SLCO3A1: variants seen among roughly 807,000 people sequenced by gnomAD.
SLCO3A1 encodes PGE1 transporter.
Under a neutral mutation model 63.1 loss-of-function variants are expected in SLCO3A1, and 27 were observed. That is an observed-to-expected ratio of 0.43 (90% CI 0.32 to 0.59). The LOEUF (loss-of-function observed/expected upper bound fraction) is 0.59, where lower values mean the gene tolerates loss of function less well. SLCO3A1 is among the 20% of genes least tolerant of loss of function. The pLI is 0.09. For synonymous variants in SLCO3A1, 473 were observed against 409.9 expected, an observed-to-expected ratio of 1.15 and a Z score of -1.86; for missense variants, 773 against 945.8, an observed-to-expected ratio of 0.82 and a Z score of 2.40.
At chr15:92,021,114 A>G (rs544584182) in intron 2 of SLCO3A1, among the ~76,000 whole-genome samples, 5 of 152,286 alleles carry the variant, frequency 3.3e-5, no homozygotes, top group Non-Finnish European at 5.9e-5. Context: ...GGCAGCCACT[A>G]TCCCTATCAT....
intron 5 of SLCO3A1, among the ~76,000 whole-genome samples, chr15:92,122,537 C>A (rs1041977074): frequency 6.6e-6 from 1 of 152,238 alleles, no homozygotes; most frequent in Non-Finnish European, 1.5e-5. Context: ...CTGGAACTCG[C>A]ATACTTGGCC....
intron 7 of SLCO3A1, among the ~76,000 whole-genome samples, chr15:92,143,305 G>T: frequency 8.5e-6 from 1 of 116,976 alleles, no homozygotes; most frequent in Non-Finnish European, 1.7e-5. Context: ...GTTTGAGACA[G>T]ATTTAGGACA....
intron 4 of SLCO3A1, among the ~76,000 whole-genome samples, chr15:92,119,318 A>G (rs900072680): frequency 4.6e-5 from 7 of 152,246 alleles, no homozygotes; most frequent in Non-Finnish European, 1.0e-4. Context: ...CACATGCTTT[A>G]AGAAAAATAG....
chr15:92,035,888 T>G (rs2046719384), intron 2 of SLCO3A1, among the ~76,000 whole-genome samples: 1 of 151,786 alleles, frequency 6.6e-6, no homozygotes, highest in East Asian at 1.9e-4. Context: ...TACCACAATT[T>G]GGGTCCCTGG....
intron 2 of SLCO3A1, among the ~76,000 whole-genome samples, chr15:92,092,822 A>T (rs1415319726): frequency 2.6e-5 from 4 of 152,164 alleles, no homozygotes; most frequent in Non-Finnish European, 4.4e-5. Context: ...GACAAACCAG[A>T]GATAATGTGC....
At chr15:91,871,765 GTTTTTTTT>G (rs33938693) in intron 1 of SLCO3A1, among the ~76,000 whole-genome samples, 4 of 45,688 alleles carry the variant, frequency 8.8e-5, no homozygotes, top group African/African-American at 3.6e-4. Flanking sequence ...TTTTTTTTTG[GTTTTTTTT>G]TTTTTTTTTT....
intron 2 of SLCO3A1, among the ~76,000 whole-genome samples, chr15:91,973,898 A>G (rs1330021641): frequency 6.6e-6 from 1 of 152,166 alleles, no homozygotes; most frequent in Non-Finnish European, 1.5e-5. Flanking sequence ...ATATCCAGAA[A>G]CTTCTATAAA....
At chr15:92,118,210 T>C (rs1014914514) in intron 4 of SLCO3A1, among the ~76,000 whole-genome samples, 2 of 152,242 alleles carry the variant, frequency 1.3e-5, no homozygotes, top group African/African-American at 4.8e-5. Flanking sequence ...TTTGTGCATT[T>C]ATTTCATCAG....
intron 1 of SLCO3A1, among the ~76,000 whole-genome samples, chr15:91,906,496 G>A (rs573751183): frequency 2.8e-4 from 43 of 152,168 alleles, no homozygotes; most frequent in Non-Finnish European, 4.7e-4. Flanking sequence ...ACAGGAAGCC[G>A]GGGCCCTAGG....
At chr15:92,055,123 G>A (rs149884781) in intron 2 of SLCO3A1, among the ~76,000 whole-genome samples, 12 of 152,064 alleles carry the variant, frequency 7.9e-5, no homozygotes, top group African/African-American at 2.9e-4. Context: ...ATTATTTCTT[G>A]ACTTTTTAAT....
At chr15:92,061,482 T>A (rs932517545) in intron 2 of SLCO3A1, among the ~76,000 whole-genome samples, 3 of 152,188 alleles carry the variant, frequency 2.0e-5, no homozygotes, top group Non-Finnish European at 2.9e-5. Context: ...CCTCTGAAGG[T>A]CCTGAGAGAC....
chr15:92,044,718 C>T (rs1180618348), intron 2 of SLCO3A1, among the ~76,000 whole-genome samples: 3 of 152,166 alleles, frequency 2.0e-5, no homozygotes, highest in Non-Finnish European at 4.4e-5. Context: ...GCAGTGGCTC[C>T]TCTGCCAACT....
chr15:92,049,428 C>T (rs76275634), intron 2 of SLCO3A1, among the ~76,000 whole-genome samples: 1 of 152,142 alleles, frequency 6.6e-6, no homozygotes, highest in South Asian at 2.1e-4. Context: ...TTCTCCAGTA[C>T]CCCCAAGCTC....
intron 7 of SLCO3A1, among the ~76,000 whole-genome samples, chr15:92,142,336 G>T (rs1302083465): frequency 6.6e-6 from 1 of 152,174 alleles, no homozygotes; most frequent in Non-Finnish European, 1.5e-5. Context: ...AGCTCTGGAG[G>T]CTGGGAAGTC....
intron 1 of SLCO3A1, among the ~76,000 whole-genome samples, chr15:91,868,747 C>T (rs1897227172): frequency 6.6e-6 from 1 of 152,090 alleles, no homozygotes; most frequent in Admixed American, 6.6e-5. Context: ...TGAGAGAATC[C>T]ATCCAAAGTA....
At chr15:92,144,637 A>G (rs1596142563) in intron 7 of SLCO3A1, among the ~76,000 whole-genome samples, 2 of 152,376 alleles carry the variant, frequency 1.3e-5, no homozygotes, top group East Asian at 3.9e-4. Context: ...CAAAAGGGGC[A>G]TACCGCAAGG....
intron 2 of SLCO3A1, among the ~76,000 whole-genome samples, chr15:92,087,838 A>T (rs80308663): frequency 6.5e-4 from 99 of 152,298 alleles, no homozygotes; most frequent in Middle Eastern, 3.4e-3. Flanking sequence ...ATTATCTTAT[A>T]TCAGTAATAG....
intron 2 of SLCO3A1, among the ~76,000 whole-genome samples, chr15:92,017,240 T>C (rs1000854324): frequency 6.6e-6 from 1 of 151,448 alleles, no homozygotes; most frequent in Non-Finnish European, 1.5e-5. Context: ...AAGGTGCGGA[T>C]GATCTTTAAG....
At chr15:91,933,031 T>C (rs549047484) in intron 2 of SLCO3A1, among the ~76,000 whole-genome samples, 21 of 152,226 alleles carry the variant, frequency 1.4e-4, no homozygotes, top group Admixed American at 1.1e-3. Flanking sequence ...TATTTTGTTA[T>C]CCTGAGTTAG....
Sources: allele counts gnomAD v4.1 joint callset (sites outside exome capture counted in the v4.1 genomes callset), GRCh38; gene constraint gnomAD v4.1.1; transcripts MANE v1.5; gene names NCBI Gene and HGNC (gene_info 2026-07-23, HGNC 2026-07-21).